The following MCPH1 variants were observed in gnomAD, a reference collection of about 807,000 sequenced individuals.
The protein encoded by MCPH1 is microcephalin.
In MCPH1, 104 loss-of-function variants were observed where a neutral mutation model predicts 84.5. That is an observed-to-expected ratio of 1.23 (90% confidence interval 1.05 to 1.45). MCPH1 has a LOEUF of 1.45. Ranked by LOEUF, MCPH1 falls within the 40% of genes most tolerant of loss-of-function variation. MCPH1 has a pLI of 0.00. For synonymous variants in MCPH1, 514 were observed against 366.8 expected (o/e 1.40, Z -4.58); for missense variants, 1,498 against 1,005.7 (o/e 1.49, Z -6.62).
At position 6,621,529 on chromosome 8, in the gene MCPH1, G is replaced by A. The variant is rs761637657; in HGVS notation, c.2290G>A (p.Val764Ile). 16 of 1,614,164 alleles carry A rather than the reference G, an allele frequency of 9.9e-6. No individual in the cohort carries two copies. Among genetic ancestry groups the A allele is most frequent in the Non-Finnish European group, 1.7e-6 (2 of 1,180,040 alleles). Reference sequence around the variant, plus strand: ...CTTTGCCGACCAGCCAGCGATGTTTGTCTCGCCTGCCAGCAGCCCCCCAGT... The same window carrying A: ...CTTTGCCGACCAGCCAGCGATGTTTATCTCGCCTGCCAGCAGCCCCCCAGT... ...TLFADQPAMF[V>I]SPASSPPVAK... Residue 764 changes from valine (V) to isoleucine (I), a missense_variant, in exon 13 of 14, where the codon GTC (valine) becomes ATC (isoleucine). Coordinates refer to ENST00000344683, the MANE Select transcript of MCPH1 (RefSeq NM_024596.5).
rs777963249 is a variant in MCPH1 at position 6,455,196 on chromosome 8, T to G, written c.1879T>G (p.Phe627Val). ...TGTTTTAGATGACTCATGTGACGGCTTTAAGGACCTCATCAAACCTCATGA... is the reference window on the plus strand; with the variant it reads ...TGTTTTAGATGACTCATGTGACGGCGTTAAGGACCTCATCAAACCTCATGA... ...HDVLDDSCDG[F>V]KDLIKPHEEL... is the part of the protein sequence containing the mutation. The change falls in exon 9 of 14, where the codon TTT (phenylalanine) becomes GTT (valine). Residue 627 changes from phenylalanine to valine, a missense_variant. Physicochemically the swap from Phe to Val is conservative, Grantham distance 50. Transcript: ENST00000344683. 6.2e-7 allele frequency: 1 copy of G among 1,614,060 alleles called. No homozygotes were observed. The highest frequency in any genetic ancestry group is 8.5e-7 in the Non-Finnish European group (1 of 1,179,976).
At chr8:6,497,006 T>C (rs948713269) in intron 11 of MCPH1, among the ~76,000 whole-genome samples, 4 of 152,208 alleles carry the variant, frequency 2.6e-5, no homozygotes, top group Non-Finnish European at 4.4e-5. Flanking sequence ...TATGAAATAC[T>C]TTGTGAATAA....
intron 13 of MCPH1, chr8:6,625,175 G>A (rs1330170902): frequency 1.2e-5 from 12 of 985,172 alleles, no homozygotes; most frequent in East Asian, 1.1e-4. Flanking sequence ...GTGCCTGGCC[G>A]AAATCACCTA....
Position 6,505,436 on chromosome 8 carries a change from ATTCTT to A in MCPH1, c.2214+5509_2214+5513del, listed in dbSNP as rs1563307095. On this transcript the variant is annotated intron_variant, in intron 12 of 13. Transcript: ENST00000344683. ...CTTTATATACATAAAGAATATATAT[ATTCTT>A]TATATACATATAGAATATATATATT... Among the ~76,000 whole-genome samples, 16 of 80,456 alleles carry A rather than the reference ATTCTT, an allele frequency of 2.0e-4. 2 individuals are homozygous for A. The highest frequency in any genetic ancestry group is 6.4e-4 in the African/African-American group (15 of 23,486). 52.8% of individuals were successfully genotyped at this position (80,456 alleles called of 152,430 possible).
chr8:6,621,327 G>A, intron 12 of MCPH1, 127 bp from the exon 13 acceptor site: 3 of 1,196,844 alleles, frequency 2.5e-6, no homozygotes, highest in Non-Finnish European at 3.6e-6. Flanking sequence ...AAAATTCACA[G>A]GAGCATGGCA....
intron 13 of MCPH1, among the ~76,000 whole-genome samples, chr8:6,630,718 T>G (rs1586874120): frequency 6.7e-6 from 1 of 148,908 alleles, no homozygotes. Flanking sequence ...GAGGTGGAGG[T>G]TGCAGTGAGC....
At chr8:6,509,238 A>G (rs116363676) in intron 12 of MCPH1, among the ~76,000 whole-genome samples, 437 of 152,344 alleles carry the variant, frequency 2.9e-3, no homozygotes, top group African/African-American at 9.9e-3. Flanking sequence ...CCAACTTATC[A>G]TCAAATCCTT....
chr8:6,637,247 T>A (rs1287336178), intron 13 of MCPH1, among the ~76,000 whole-genome samples: 6 of 152,144 alleles, frequency 3.9e-5, no homozygotes, highest in Admixed American at 3.9e-4. Context: ...GCAAACAATT[T>A]CTTTAAAAAT....
At chr8:6,481,270 G>C (rs943530183) in intron 11 of MCPH1, among the ~76,000 whole-genome samples, 2 of 152,214 alleles carry the variant, frequency 1.3e-5, no homozygotes, top group African/African-American at 4.8e-5. Context: ...TTCAGTGATT[G>C]TTTGTACAGA....
intron 12 of MCPH1, among the ~76,000 whole-genome samples, chr8:6,595,134 T>C (rs1368997972): frequency 6.6e-6 from 1 of 152,128 alleles, no homozygotes; most frequent in Non-Finnish European, 1.5e-5. Flanking sequence ...AAAACAGAGA[T>C]GATTGATTGA....
chr8:6,510,873 T>G (rs1307463097), intron 12 of MCPH1, among the ~76,000 whole-genome samples: 3 of 152,146 alleles, frequency 2.0e-5, no homozygotes, highest in Non-Finnish European at 4.4e-5. Context: ...GACATGTGAG[T>G]CTCAGTATTT....
At chr8:6,461,148 G>GA (rs1344818174) in intron 9 of MCPH1, among the ~76,000 whole-genome samples, 1 of 151,298 alleles carries the variant, frequency 6.6e-6, no homozygotes, top group Non-Finnish European at 1.5e-5. Context: ...CTTAAAGAGT[G>GA]AAAAAAACCA....
At chr8:6,626,460 G>C in intron 13 of MCPH1, 3 of 971,566 alleles carry the variant, frequency 3.1e-6, no homozygotes, top group Non-Finnish European at 3.6e-6. Context: ...GTTGTTGTTT[G>C]GTTTTTTTGT....
chr8:6,489,739 C>G (rs1430278451), intron 11 of MCPH1, among the ~76,000 whole-genome samples: 4 of 152,200 alleles, frequency 2.6e-5, no homozygotes, highest in South Asian at 4.1e-4. Flanking sequence ...GTGTTGCCAA[C>G]TGCAACACAG....
At chr8:6,411,986 T>C (rs1798602925) in intron 2 of MCPH1, among the ~76,000 whole-genome samples, 1 of 152,034 alleles carries the variant, frequency 6.6e-6, no homozygotes. Context: ...CCATTAAAAA[T>C]GGGAGAAAAG....
intron 12 of MCPH1, among the ~76,000 whole-genome samples, chr8:6,611,301 C>T (rs899004827): frequency 2.6e-5 from 4 of 152,202 alleles, no homozygotes; most frequent in Admixed American, 1.3e-4. Context: ...CGCAAGCCTG[C>T]CCCCCTACCC....
chr8:6,523,739 C>T (rs781615242), intron 12 of MCPH1, among the ~76,000 whole-genome samples: 1 of 152,112 alleles, frequency 6.6e-6, no homozygotes, highest in African/African-American at 2.4e-5. Context: ...ACAGGTGTGC[C>T]ACCACGCCCA....
At chr8:6,612,684 T>C (rs899849097) in intron 12 of MCPH1, among the ~76,000 whole-genome samples, 1 of 152,216 alleles carries the variant, frequency 6.6e-6, no homozygotes, top group East Asian at 1.9e-4. Flanking sequence ...CCTGGTGTTC[T>C]GGGCGCCTCC....
At chr8:6,552,809 T>C (rs1586583882) in intron 12 of MCPH1, among the ~76,000 whole-genome samples, 1 of 143,034 alleles carries the variant, frequency 7.0e-6, no homozygotes, top group East Asian at 1.9e-4. Flanking sequence ...TCTACAGTTA[T>C]TCCTGCTTTT....
Sources: gnomAD v4.1 joint callset for allele counts (sites outside exome capture counted in the v4.1 genomes callset) on GRCh38, gnomAD v4.1.1 for gene constraint, MANE v1.5 for transcripts, NCBI Gene and HGNC (gene_info 2026-07-23, HGNC 2026-07-21) for gene names.